JMY: variants seen among roughly 807,000 people sequenced by gnomAD.
JMY encodes the protein junction-mediating and -regulatory protein.
JMY carries 46 observed loss-of-function variants against 103.3 expected under a neutral mutation model. The observed-to-expected ratio is 0.45, with a 90% CI of 0.35 to 0.57. JMY has a LOEUF of 0.57. Among genes scored for constraint, JMY ranks in the 20% least tolerant of loss-of-function variants. The pLI is 0.00. For synonymous variants in JMY, 526 were observed against 489.3 expected (o/e 1.07, Z -0.99); for missense variants, 1,238 against 1,255.2 (o/e 0.99, Z 0.21).
At chr5:79,273,336 T>A (rs1383513155) in intron 1 of JMY, among the ~76,000 whole-genome samples, 1 of 152,178 alleles carries the variant, frequency 6.6e-6, no homozygotes, top group Non-Finnish European at 1.5e-5. Context: ...TTTTGTTGTG[T>A]TTTGTTTATT....
chr5:79,315,199 G>A (rs1345780202), intron 9 of JMY, among the ~76,000 whole-genome samples: 1 of 152,144 alleles, frequency 6.6e-6, no homozygotes, highest in East Asian at 1.9e-4. Context: ...TATCTGGTAA[G>A]GACTGTCACC....
intron 1 of JMY, among the ~76,000 whole-genome samples, chr5:79,239,618 A>G (rs1014268180): frequency 7.9e-5 from 12 of 152,176 alleles, no homozygotes; most frequent in Non-Finnish European, 1.6e-4. Context: ...CATCCTGGCT[A>G]ACACGGTGAA....
intron 1 of JMY, among the ~76,000 whole-genome samples, chr5:79,241,218 T>G (rs1744731193): frequency 6.6e-6 from 1 of 152,224 alleles, no homozygotes; most frequent in Non-Finnish European, 1.5e-5. Flanking sequence ...TGTAAGCTTT[T>G]CAAGGTCCTT....
intron 1 of JMY, among the ~76,000 whole-genome samples, chr5:79,271,006 A>G (rs922648812): frequency 1.3e-5 from 2 of 151,878 alleles, no homozygotes; most frequent in Non-Finnish European, 2.9e-5. Flanking sequence ...TTCTTTTTAC[A>G]TTGGTTGGAT....
chr5:79,245,560 C>G (rs1303402241), intron 1 of JMY, among the ~76,000 whole-genome samples: 1 of 151,932 alleles, frequency 6.6e-6, no homozygotes, highest in African/African-American at 2.4e-5. Flanking sequence ...GTAAGTATGG[C>G]CTCTTTTTAA....
intron 10 of JMY, among the ~76,000 whole-genome samples, chr5:79,320,189 C>T (rs1352889497): frequency 6.6e-6 from 1 of 152,102 alleles, no homozygotes; most frequent in Non-Finnish European, 1.5e-5. Flanking sequence ...CAAGACTAGC[C>T]TGGGCAACAT....
At position 79,300,200 on chromosome 5, in the gene JMY, G is replaced by A; in HGVS notation, c.1575G>A (p.Gln525=). The A allele has an allele frequency of 1.9e-6, 3 of 1,612,772 alleles. No homozygotes were observed. Among genetic ancestry groups the A allele is most frequent in the Non-Finnish European group, 1.7e-6 (2 of 1,179,402 alleles). ...CAGAAGCGATAGCACGATTGGATCA[G>A]TTAGAAGCTGATTATTATGATCTGC... The part of the protein sequence containing the change: ...GGTEAIARLD[Q]LEADYYDLQL... Residue 525 remains glutamine (Q), a synonymous_variant, in exon 5 of 11, where the codon CAG becomes CAA. Coordinates refer to ENST00000396137, the MANE Select transcript of JMY (RefSeq NM_152405.5).
chr5:79,300,038 C>G (rs1746685075), intron 4 of JMY, 115 bp from the exon 5 acceptor site: 1 of 627,800 alleles, frequency 1.6e-6, no homozygotes, highest in Admixed American at 3.3e-5. Flanking sequence ...AAGTTTCTTT[C>G]TGAGAGGAAT....
intron 1 of JMY, among the ~76,000 whole-genome samples, chr5:79,248,007 C>T (rs1005984994): frequency 2.0e-5 from 3 of 151,730 alleles, no homozygotes; most frequent in Admixed American, 2.0e-4. Flanking sequence ...TTTCTTCTGC[C>T]TCTGCCTCCT....
chr5:79,317,438 C>T (rs1411258379), intron 10 of JMY, among the ~76,000 whole-genome samples: 2 of 151,652 alleles, frequency 1.3e-5, no homozygotes, highest in African/African-American at 2.4e-5. Flanking sequence ...CAGATTACAC[C>T]AAATATATAG....
chr5:79,320,870 A>T (rs914236703), intron 10 of JMY, among the ~76,000 whole-genome samples: 2 of 152,230 alleles, frequency 1.3e-5, no homozygotes, highest in Non-Finnish European at 2.9e-5. Flanking sequence ...TTTTATATAT[A>T]CTAGTAGCAC....
chr5:79,256,489 C>T (rs12189188), intron 1 of JMY, among the ~76,000 whole-genome samples: 52,630 of 151,706 alleles, frequency 0.35, 9,580 homozygotes, highest in South Asian at 0.52. Context: ...CTCGCCCCAC[C>T]CCATAGCTAC....
chr5:79,321,024 T>A (rs933083908), intron 10 of JMY, among the ~76,000 whole-genome samples: 4 of 152,384 alleles, frequency 2.6e-5, no homozygotes, highest in African/African-American at 9.6e-5. Context: ...TCAGTCACAC[T>A]AGACACATAT....
At chr5:79,289,208 C>T (rs1335807983) in intron 2 of JMY, among the ~76,000 whole-genome samples, 1 of 145,534 alleles carries the variant, frequency 6.9e-6, no homozygotes, top group Non-Finnish European at 1.5e-5. Context: ...GTACTCCAAC[C>T]TGGACAACAA....
At chr5:79,269,106 C>G (rs1048773723) in intron 1 of JMY, among the ~76,000 whole-genome samples, 1 of 152,054 alleles carries the variant, frequency 6.6e-6, no homozygotes, top group Non-Finnish European at 1.5e-5. Flanking sequence ...ATGTTATCTT[C>G]TAGAAGTTTT....
intron 1 of JMY, among the ~76,000 whole-genome samples, chr5:79,251,505 A>G (rs1407683887): frequency 2.0e-5 from 3 of 152,192 alleles, no homozygotes; most frequent in Middle Eastern, 3.2e-3. Flanking sequence ...CATGAAACAT[A>G]GGGAATCCGT....
chr5:79,294,260 C>T lies in JMY; in HGVS notation c.1527+2961C>T, dbSNP rs186047580. Among the ~76,000 whole-genome samples, 697 of 151,948 alleles carry T rather than the reference C, an allele frequency of 4.6e-3. 5 individuals are homozygous for T. The highest frequency in any genetic ancestry group is 0.016 in the African/African-American group (667 of 41,416). ...CTCTACTAAAAATACAAAAAATTAGCCAGGTGGGTGGCGTGCTCCTGTAGT... is the reference window on the plus strand; with the variant it reads ...CTCTACTAAAAATACAAAAAATTAGTCAGGTGGGTGGCGTGCTCCTGTAGT... On this transcript the variant is annotated intron_variant, in intron 4 of 10. Transcript: ENST00000396137.
rs1747522822 is a variant in JMY, at chr5:79,323,276, A to ATGTT, written c.*1675_*1678dup. 6.6e-6 allele frequency: 1 copy of ATGTT among 152,224 alleles called. No homozygotes were observed. Among genetic ancestry groups the ATGTT allele is most frequent in the African/African-American group, 2.4e-5 (1 of 41,462 alleles). The allele number at this position is 152,224 out of a possible 1,614,324, so 9.4% of individuals were successfully genotyped here. ...CTGACAAAATCTTTTATTTATTTAA[A>ATGTT]TGTTAGTAATACGTTTATTGATGAG... On this transcript the variant is annotated 3_prime_UTR_variant, in exon 11 of 11. Coordinates refer to ENST00000396137, the MANE Select transcript of JMY (RefSeq NM_152405.5).
chr5:79,236,181 G>C lies in JMY; in HGVS notation c.-470G>C, dbSNP rs1320795858. 6.5e-6 allele frequency: 1 copy of C among 152,912 alleles called. No individual in the cohort carries two copies. The highest frequency in any genetic ancestry group is 1.5e-5 in the Non-Finnish European group (1 of 68,922). 9.5% of individuals were successfully genotyped at this position (152,912 alleles called of 1,614,324 possible). ...GCTGAGGCGCAGAGTTTAGGAGACG[G>C]GTTCATCAGTCAGGCCGGCTCCGGG... On this transcript the variant is annotated 5_prime_UTR_variant, in exon 1 of 11. Transcript: ENST00000396137.
Sources: gnomAD v4.1 joint callset for allele counts (sites outside exome capture counted in the v4.1 genomes callset) on GRCh38, gnomAD v4.1.1 for gene constraint, MANE v1.5 for transcripts, NCBI Gene and HGNC (gene_info 2026-07-23, HGNC 2026-07-21) for gene names.